Variants in RP9 observed in about 807,000 individuals in gnomAD.
The protein encoded by RP9 is retinitis pigmentosa 9 protein.
RP9 carries 23 observed loss-of-function variants against 32.6 expected under a neutral mutation model. The ratio of observed to expected loss-of-function variants is 0.71; its 90% CI spans 0.51 to 1.00. RP9 has a LOEUF of 1.00. RP9 is among the 50% of genes least tolerant of loss of function. The probability of loss-of-function intolerance (pLI) is 0.00; values close to 1 mark genes in which losing one functional copy is unlikely to be tolerated. For synonymous variants in RP9, 94 were observed against 103.6 expected (o/e 0.91, Z 0.56); for missense variants, 245 against 285.3 (o/e 0.86, Z 1.02).
chr7:33,108,026 T>C (rs1788523171), intron 1 of RP9, among the ~76,000 whole-genome samples: 1 of 152,230 alleles, frequency 6.6e-6, no homozygotes, highest in Non-Finnish European at 1.5e-5. Context: ...CTGCTGTGAT[T>C]GTCTGAGACT....
At chr7:33,103,020 G>C (rs1447830146) in intron 1 of RP9, among the ~76,000 whole-genome samples, 1 of 152,110 alleles carries the variant, frequency 6.6e-6, no homozygotes, top group Admixed American at 6.5e-5. Context: ...ATGGCCAACT[G>C]ACCAACATGC....
intron 2 of RP9, chr7:33,100,068 G>A (rs1426456595): frequency 1.6e-5 from 3 of 191,544 alleles, no homozygotes; most frequent in South Asian, 1.0e-4. Context: ...AGTCTCCCTC[G>A]TGCACACACA....
At chr7:33,100,405 C>G in intron 2 of RP9, 126 bp downstream of exon 2, 1 of 854,416 alleles carries the variant, frequency 1.2e-6, no homozygotes, top group South Asian at 1.4e-5. Context: ...CCTCATTCAT[C>G]TGCAGGAAAA....
chr7:33,107,044 A>G (rs1788509994), intron 1 of RP9, among the ~76,000 whole-genome samples: 1 of 152,190 alleles, frequency 6.6e-6, no homozygotes, highest in Non-Finnish European at 1.5e-5. Context: ...GACACAGGGA[A>G]TATGAGTGGT....
At position 33,095,446 on chromosome 7, in the gene RP9, A is replaced by G; in HGVS notation, c.468-14T>C. On this transcript the variant is annotated splice_polypyrimidine_tract_variant and intron_variant, in intron 5 of 5. Coordinates refer to ENST00000297157, the MANE Select transcript of RP9 (RefSeq NM_203288.2). Reference sequence around the variant, plus strand: ...AACTGCTGTATCCTAAACATTCAAAATTGATCAAAGAACAGTGAGTTTTAG... The same window carrying G: ...AACTGCTGTATCCTAAACATTCAAAGTTGATCAAAGAACAGTGAGTTTTAG... 6.2e-7 allele frequency: 1 copy of G among 1,613,468 alleles called. No homozygotes were observed. The highest frequency in any genetic ancestry group is 8.5e-7 in the Non-Finnish European group (1 of 1,179,814).
chr7:33,101,702 C>T (rs1327441508), intron 1 of RP9, among the ~76,000 whole-genome samples: 1 of 152,100 alleles, frequency 6.6e-6, no homozygotes, highest in East Asian at 1.9e-4. Flanking sequence ...AGATCTGTTC[C>T]CTCAAGATTA....
chr7:33,100,818 T>A, intron 1 of RP9: 1 of 635,732 alleles, frequency 1.6e-6, no homozygotes, highest in South Asian at 1.6e-5. Context: ...AGACCCAGAA[T>A]GCTGAGCACG....
intron 1 of RP9, among the ~76,000 whole-genome samples, chr7:33,108,621 T>C (rs13241717): frequency 1.3e-5 from 2 of 152,204 alleles, no homozygotes; most frequent in African/African-American, 2.4e-5. Context: ...GGGGCAACTT[T>C]TATCGCCTGA....
intron 1 of RP9, among the ~76,000 whole-genome samples, chr7:33,103,724 C>T (rs1788459795): frequency 6.6e-6 from 1 of 152,066 alleles, no homozygotes; most frequent in East Asian, 1.9e-4. Flanking sequence ...TAGGCTGATT[C>T]AGGGGGGATC....
intron 4 of RP9, among the ~76,000 whole-genome samples, 195 bp from the exon 5 acceptor site, chr7:33,096,749 C>T (rs1264886889): frequency 6.6e-6 from 1 of 152,018 alleles, no homozygotes; most frequent in Non-Finnish European, 1.5e-5. Flanking sequence ...TAGAAAAATA[C>T]AGGAAATGGC....
chr7:33,098,528 T>C (rs2128032172), intron 3 of RP9, among the ~76,000 whole-genome samples: 1 of 152,272 alleles, frequency 6.6e-6, no homozygotes, highest in South Asian at 2.1e-4. Flanking sequence ...GAAAAGCAGA[T>C]GGACACATTT....
Position 33,099,388 on chromosome 7 carries a change from C to T in RP9, c.232G>A (p.Glu78Lys), listed in dbSNP as rs1788391976. Reference sequence around the variant, plus strand: ...TGAGCCAGAAATTCCCTGGCGTGTTCATTGCCTGGTACATCTGGTATGCAA... The same window carrying T: ...TGAGCCAGAAATTCCCTGGCGTGTTTATTGCCTGGTACATCTGGTATGCAA... Reference protein sequence around the residue: ...EDCIPDVPGNEHAREFLAHAP... With the variant: ...EDCIPDVPGNKHAREFLAHAP... Residue 78 changes from glutamate to lysine, a missense_variant, in exon 3 of 6, where the codon GAA becomes AAA. This residue lies in a region of RP9 where 182 missense variants were observed against 175.5 expected (regional missense o/e 1.04). Coordinates refer to ENST00000297157, the MANE Select transcript of RP9 (RefSeq NM_203288.2). The T allele has an allele frequency of 1.2e-6, 2 of 1,613,538 alleles. No homozygotes were observed. The highest frequency in any genetic ancestry group is 1.7e-6 in the Non-Finnish European group (2 of 1,179,938).
intron 2 of RP9, among the ~76,000 whole-genome samples, chr7:33,099,732 AT>A (rs889958375): frequency 6.6e-6 from 1 of 151,744 alleles, no homozygotes; most frequent in African/African-American, 2.4e-5. Context: ...AGATTCTGAG[AT>A]TAAAAAAAAA....
chr7:33,103,687 T>G (rs1788459260), intron 1 of RP9, among the ~76,000 whole-genome samples: 1 of 152,028 alleles, frequency 6.6e-6, no homozygotes, highest in Non-Finnish European at 1.5e-5. Context: ...GGTGTCATGG[T>G]GTGCACCTGC....
chr7:33,095,017 C>G lies in RP9; in HGVS notation c.*217G>C. ...GGGAGGACAACGATGAAGAAACTTT[C>G]CTGCCTAAAATCAGCTGCTGTCCAG... On this transcript the variant is annotated 3_prime_UTR_variant, in exon 6 of 6. Transcript: ENST00000297157. The G allele has an allele frequency of 1.7e-6, 1 of 576,410 alleles. No homozygotes were observed. The highest frequency in any genetic ancestry group is 3.1e-6 in the Non-Finnish European group (1 of 318,902). The allele number at this position is 576,410 out of a possible 1,614,324, so 35.7% of individuals were successfully genotyped here.
rs1788547028 is a variant in RP9, at chr7:33,109,266, C to T, written c.107G>A (p.Arg36Gln). 2.0e-6 allele frequency: 3 copies of T among 1,493,572 alleles called. No homozygotes were observed. The highest frequency in any genetic ancestry group is 4.3e-5 in the Admixed American group (2 of 46,064). The allele number at this position is 1,493,572 out of a possible 1,614,324, so 92.5% of individuals were successfully genotyped here. A position where few individuals can be genotyped will look rare whatever the true frequency, so the allele number is the denominator to read the frequency against. ...CTGCTGCAGCTGCTGCGCGTCGTGT[C>T]GCCGCCGCTTCTGCTCCCGACGTCG... ...LQRRREQKRR[R>Q]HDAQQLQQLK... is the part of the protein sequence containing the mutation. The change falls in exon 1 of 6, where the codon CGA (arginine) becomes CAA (glutamine). Residue 36 changes from arginine to glutamine, a missense_variant. Arg to Gln is a conservative substitution (Grantham distance 43). Around this residue, in one of 2 missense-constraint regions of RP9, gnomAD observed 182 missense variants for 175.5 expected, o/e 1.04. Transcript: ENST00000297157. The surrounding 1 kb of genome is among the most constrained non-coding windows in gnomAD (Gnocchi z 4.9).
At position 33,100,700 on chromosome 7, in the gene RP9, C is replaced by G. The variant is rs1443920965; in HGVS notation, c.153-139G>C. The stretch of plus-strand genomic sequence containing the variant: ...CTTTTATCACTGGTTTGCAGACAAG[C>G]AATCACCTGAGAAGAGCAGAATGCT... On this transcript the variant is annotated intron_variant, in intron 1 of 5. Coordinates refer to ENST00000297157, the MANE Select transcript of RP9 (RefSeq NM_203288.2). 6 of 754,546 alleles carry G rather than the reference C, an allele frequency of 8.0e-6. No individual in the cohort carries two copies. The East Asian group carries it at 1.6e-4, about 20-fold the overall frequency. 46.7% of individuals were successfully genotyped at this position (754,546 alleles called of 1,614,324 possible). A position where few individuals can be genotyped will look rare whatever the true frequency, so the allele number is the denominator to read the frequency against.
intron 5 of RP9, among the ~76,000 whole-genome samples, chr7:33,096,131 G>T (rs1268189081): frequency 6.6e-6 from 1 of 152,206 alleles, no homozygotes; most frequent in Non-Finnish European, 1.5e-5. Flanking sequence ...ACTGAGCCTG[G>T]CCTAAGTATA....
chr7:33,097,926 G>T (rs1788365319), intron 3 of RP9, among the ~76,000 whole-genome samples: 1 of 152,012 alleles, frequency 6.6e-6, no homozygotes. Flanking sequence ...GGCCCAAAAG[G>T]TACATTTTTT....
Sources: gnomAD v4.1 joint callset for allele counts (sites outside exome capture counted in the v4.1 genomes callset) on GRCh38, gnomAD v4.1.1 for gene constraint, gnomAD v4.1.1 regional missense constraint, Gnocchi (gnomAD v3.1) non-coding constraint, MANE v1.5 for transcripts, NCBI Gene and HGNC (gene_info 2026-07-23, HGNC 2026-07-21) for gene names.